Variants in ZNF385D observed in about 807,000 individuals in gnomAD.
The protein encoded by ZNF385D is zinc finger protein 385D, also known as zinc finger protein 659.
Under a neutral mutation model 35.8 loss-of-function variants are expected in ZNF385D, and 15 were observed. The observed-to-expected ratio is 0.42, with a 90% CI of 0.28 to 0.64. The LOEUF (loss-of-function observed/expected upper bound fraction) is 0.64. Ranked by LOEUF, ZNF385D falls within the 30% of genes least tolerant of loss-of-function variation. ZNF385D has a pLI of 0.23. For synonymous variants in ZNF385D, 212 were observed against 186.8 expected (o/e 1.13, Z -1.10); for missense variants, 474 against 494.6 (o/e 0.96, Z 0.39).
intron 4 of ZNF385D, among the ~76,000 whole-genome samples, chr3:21,440,337 C>T (rs1377284379): frequency 6.6e-6 from 1 of 152,048 alleles, no homozygotes; most frequent in Non-Finnish European, 1.5e-5. Flanking sequence ...GCTTCCTTCT[C>T]GTAACCCCTG....
chr3:22,327,728 TAA>T (rs1213924147), intron 2 of ZNF385D, among the ~76,000 whole-genome samples: 2 of 152,186 alleles, frequency 1.3e-5, no homozygotes, highest in African/African-American at 4.8e-5. Flanking sequence ...GATGTGTATT[TAA>T]ACGGAGCTCT....
intron 2 of ZNF385D, among the ~76,000 whole-genome samples, chr3:21,657,540 T>C (rs901036671): frequency 1.3e-5 from 2 of 151,928 alleles, no homozygotes; most frequent in African/African-American, 4.8e-5. Context: ...GCTTGTGTTA[T>C]ACAAATATGA....
chr3:22,293,940 G>T (rs891500535), intron 2 of ZNF385D, among the ~76,000 whole-genome samples: 3 of 151,878 alleles, frequency 2.0e-5, no homozygotes, highest in African/African-American at 7.3e-5. Context: ...CTACATACTT[G>T]TTCATTTTAC....
chr3:21,455,533 A>G (rs1333521045), intron 4 of ZNF385D, among the ~76,000 whole-genome samples: 2 of 152,228 alleles, frequency 1.3e-5, no homozygotes, highest in African/African-American at 4.8e-5. Context: ...GGCTAGCCAT[A>G]TGTAGAAAGC....
chr3:21,994,751 T>A (rs1190941169), intron 3 of ZNF385D, among the ~76,000 whole-genome samples: 1 of 152,234 alleles, frequency 6.6e-6, no homozygotes, highest in Non-Finnish European at 1.5e-5. Context: ...GCTTTGGCTT[T>A]GATTTTTGGA....
chr3:22,321,660 C>T (rs1447116882), intron 2 of ZNF385D, among the ~76,000 whole-genome samples: 3 of 152,070 alleles, frequency 2.0e-5, no homozygotes, highest in Non-Finnish European at 4.4e-5. Flanking sequence ...CCACCGCACC[C>T]GGCTCAGTCT....
At chr3:21,635,020 C>T (rs1391179760) in intron 2 of ZNF385D, among the ~76,000 whole-genome samples, 4 of 152,106 alleles carry the variant, frequency 2.6e-5, no homozygotes, top group African/African-American at 9.6e-5. Flanking sequence ...TCAAAAGGCA[C>T]TTCCCTAAAA....
chr3:21,533,912 G>T (rs1201901944), intron 3 of ZNF385D, among the ~76,000 whole-genome samples: 1 of 151,978 alleles, frequency 6.6e-6, no homozygotes, highest in Non-Finnish European at 1.5e-5. Context: ...AGCAATCTTT[G>T]CCATAGTCAC....
At chr3:22,047,953 G>A (rs1041515459) in intron 3 of ZNF385D, among the ~76,000 whole-genome samples, 2 of 152,102 alleles carry the variant, frequency 1.3e-5, no homozygotes, top group Non-Finnish European at 2.9e-5. Flanking sequence ...CAGATATGAG[G>A]TAATAGCTCA....
At chr3:21,829,368 G>T (rs1426509402) in intron 3 of ZNF385D, among the ~76,000 whole-genome samples, 1 of 152,110 alleles carries the variant, frequency 6.6e-6, no homozygotes, top group African/African-American at 2.4e-5. Context: ...GAAGGGATCA[G>T]CAAGTGCAAA....
Position 22,190,604 on chromosome 3 carries a change from G to C in ZNF385D, c.107-21569C>G, listed in dbSNP as rs529046404. Among the ~76,000 whole-genome samples the C allele has an allele frequency of 2.4e-4, 37 of 152,250 alleles. No individual in the cohort carries two copies. The East Asian group carries it at 4.1e-3, about 17-fold the overall frequency. On this transcript the variant is annotated intron_variant, in intron 2 of 5. Transcript: ENST00000494108. ...TATATAAATACTAACCTAGTGATAT[G>C]GGACAAGCCAACTAGGACCGTCTGG...
rs202023344 is a variant in ZNF385D at position 21,559,417 on chromosome 3, A to G, written c.276+5157T>C. Among the ~76,000 whole-genome samples, 18 of 152,276 alleles carry G rather than the reference A, an allele frequency of 1.2e-4. No homozygotes were observed. In the East Asian group the frequency reaches 3.5e-3, roughly 29 times the overall value. ...AGGATTTTATTTCTCCTTCACTTAC[A>G]AAGCTTAGTTTGCCTGGATAGGAAA... is the stretch of plus-strand genomic sequence containing the variant. On this transcript the variant is annotated intron_variant, in intron 3 of 7. Transcript: ENST00000281523.
Position 21,469,932 on chromosome 3 carries a change from GA to G in ZNF385D, c.440-32730del, listed in dbSNP as rs11382481. Among the ~76,000 whole-genome samples the G allele has an allele frequency of 2.1e-4, 31 of 150,640 alleles. 1 individual carries two copies. Among genetic ancestry groups the G allele is most frequent in the East Asian group, 1.4e-3 (7 of 5,112 alleles). On this transcript the variant is annotated intron_variant, in intron 4 of 7. Transcript: ENST00000281523. Reference sequence around the variant, plus strand: ...GTATTCCACAAAGCAGGTGCTTTAAGAAAAAAAAAATTAATGGGTAAAAGGA... The same window carrying G: ...GTATTCCACAAAGCAGGTGCTTTAAGAAAAAAAAATTAATGGGTAAAAGGA...
At chr3:22,296,558 A>G (rs1203853861) in intron 2 of ZNF385D, among the ~76,000 whole-genome samples, 8 of 152,124 alleles carry the variant, frequency 5.3e-5, no homozygotes, top group Non-Finnish European at 1.2e-4. Flanking sequence ...CTATGAAAGG[A>G]AAGGAGGTAG....
intron 2 of ZNF385D, among the ~76,000 whole-genome samples, chr3:22,288,270 T>C (rs957451165): frequency 6.6e-6 from 1 of 152,088 alleles, no homozygotes. Flanking sequence ...GCTTCTTATA[T>C]GTGGACTTCT....
chr3:21,442,829 GTA>G (rs2125250493), intron 4 of ZNF385D, among the ~76,000 whole-genome samples: 1 of 151,938 alleles, frequency 6.6e-6, no homozygotes, highest in Non-Finnish European at 1.5e-5. Flanking sequence ...ACTTATGAGT[GTA>G]TATGTCTATG....
chr3:21,615,022 T>C (rs570331333), intron 2 of ZNF385D, among the ~76,000 whole-genome samples: 3 of 152,326 alleles, frequency 2.0e-5, no homozygotes, highest in Non-Finnish European at 4.4e-5. Flanking sequence ...CAGTGGAAAG[T>C]AGAAAACATT....
At chr3:22,239,747 A>C (rs944694886) in intron 2 of ZNF385D, among the ~76,000 whole-genome samples, 2 of 151,066 alleles carry the variant, frequency 1.3e-5, no homozygotes, top group African/African-American at 4.9e-5. Context: ...TAATTTATTG[A>C]AAAGAAATTT....
Position 21,618,936 on chromosome 3 carries a change from G to T in ZNF385D, c.165+45950C>A, listed in dbSNP as rs984831145. ...TGAAGCTGTTTTTACGGAACTAGGG[G>T]ATAGCTCTTGTCCAGGTCAAGCCAG... is the stretch of plus-strand genomic sequence containing the variant. On this transcript the variant is annotated intron_variant, in intron 2 of 7. Coordinates refer to ENST00000281523, the MANE Select transcript of ZNF385D (RefSeq NM_024697.3). Among the ~76,000 whole-genome samples, 11 of 152,242 alleles carry T rather than the reference G, an allele frequency of 7.2e-5. No homozygotes were observed. In the South Asian group the frequency reaches 2.3e-3, roughly 32 times the overall value.
Sources: allele counts gnomAD v4.1 joint callset (sites outside exome capture counted in the v4.1 genomes callset), GRCh38; gene constraint gnomAD v4.1.1; transcripts MANE v1.5; gene names NCBI Gene and HGNC (gene_info 2026-07-23, HGNC 2026-07-21).